The following VPS50 variants were observed in gnomAD, a reference collection of about 807,000 sequenced individuals.
The protein encoded by VPS50 is syndetin.
A neutral mutation model predicts 139.7 loss-of-function variants in VPS50; 70 were observed. The ratio of observed to expected loss-of-function variants is 0.50; its 90% confidence interval spans 0.41 to 0.61. VPS50 has a LOEUF of 0.61. Among genes scored for constraint, VPS50 ranks in the 20% least tolerant of loss-of-function variants. The pLI is 0.00. For missense variants in VPS50, 921 were observed against 1,133.7 expected (o/e 0.81, Z 2.69); for synonymous variants, 365 against 376.7 (o/e 0.97, Z 0.36).
At chr7:93,261,722 G>A (rs1795689587) in intron 9 of VPS50, among the ~76,000 whole-genome samples, 1 of 150,986 alleles carries the variant, frequency 6.6e-6, no homozygotes, top group Non-Finnish European at 1.5e-5. Context: ...TAGAGAGAAG[G>A]AAGTTGTGCA....
At chr7:93,254,122 T>G (rs1020933438) in intron 4 of VPS50, among the ~76,000 whole-genome samples, 191 bp downstream of exon 4, 3 of 152,244 alleles carry the variant, frequency 2.0e-5, no homozygotes, top group African/African-American at 7.2e-5. Context: ...TTATGTTACC[T>G]TGGTAGATTT....
intron 23 of VPS50, among the ~76,000 whole-genome samples, chr7:93,345,827 G>A (rs913414273): frequency 1.1e-4 from 17 of 152,056 alleles, no homozygotes; most frequent in African/African-American, 1.7e-4. Context: ...GGGATGTATC[G>A]CAAAATAATA....
intron 9 of VPS50, among the ~76,000 whole-genome samples, chr7:93,262,848 G>T (rs148854054): frequency 1.8e-3 from 267 of 152,140 alleles, no homozygotes; most frequent in Non-Finnish European, 2.4e-3. Flanking sequence ...TTCACCTGTT[G>T]TTTCACTCTT....
rs541923699 is a variant in VPS50 at position 93,256,947 on chromosome 7, C to T, written c.351+385C>T. On this transcript the variant is annotated intron_variant, in intron 5 of 27. Coordinates refer to ENST00000305866, the MANE Select transcript of VPS50 (RefSeq NM_017667.4). ...TGTCTAACTGAATCTGTGTTTTCAT[C>T]GGAAAATCAGAGCCTTCAAAATCCA... Among the ~76,000 whole-genome samples, 13 of 152,162 alleles carry T rather than the reference C, an allele frequency of 8.5e-5. No homozygotes were observed. The South Asian group carries it at 1.0e-3, about 12-fold the overall frequency.
At position 93,271,385 on chromosome 7, in the gene VPS50, T is replaced by G. The variant is rs190351489; in HGVS notation, c.702+123T>G. On this transcript the variant is annotated intron_variant, in intron 10 of 27. Transcript: ENST00000305866. ...CAATGTCTCTAGATCACTGTATTTC[T>G]TGATTTTCATTTGGAATATCTATTT... 28 of 1,310,182 alleles carry G rather than the reference T, an allele frequency of 2.1e-5. No homozygotes were observed. The East Asian group carries it at 8.1e-4, about 38-fold the overall frequency. The allele number at this position is 1,310,182 out of a possible 1,614,324, so 81.2% of individuals were successfully genotyped here.
At chr7:93,341,668 C>A in intron 23 of VPS50, 93 bp downstream of exon 23, 1 of 713,070 alleles carries the variant, frequency 1.4e-6, no homozygotes, top group Non-Finnish European at 2.3e-6. Context: ...TAGCTGCATA[C>A]ATCTACCACT....
rs752382926 is a variant in VPS50 at position 93,305,903 on chromosome 7, A to G, written c.1528A>G (p.Thr510Ala). The G allele has an allele frequency of 1.4e-5, 22 of 1,612,312 alleles. No individual in the cohort carries two copies. The highest frequency in any genetic ancestry group is 1.6e-4 in the Middle Eastern group (1 of 6,080). ...ACAGCCAGTCTCAACTTCTTCAAAA[A>G]CAGTGACCTTGTTTGAGCAGTACTG... ...SKQPVSTSSK[T>A]VTLFEQYCSG... The change falls in exon 18 of 28, where the codon ACA becomes GCA. Residue 510 changes from threonine to alanine, a missense_variant. Around this residue, in one of 3 missense-constraint regions of VPS50, gnomAD observed 744 missense variants for 930.6 expected, o/e 0.80. Transcript: ENST00000305866.
chr7:93,320,286 A>G (rs1797565899), intron 20 of VPS50: 1 of 143,806 alleles, frequency 7.0e-6, no homozygotes, highest in African/African-American at 2.6e-5. Context: ...TAGCTTTTCA[A>G]TTTTTTATTT....
rs115017665 is a variant in VPS50, at chr7:93,258,952, G to A, written c.576+560G>A. Among the ~76,000 whole-genome samples, 432 of 152,064 alleles carry A rather than the reference G, an allele frequency of 2.8e-3. 3 individuals are homozygous for A. Among genetic ancestry groups the A allele is most frequent in the African/African-American group, 0.01 (424 of 41,544 alleles). On this transcript the variant is annotated intron_variant, in intron 8 of 27. Transcript: ENST00000305866. ...TCTGTTGAATTTAGAATTGAGCATA[G>A]GGAAAAGTTTTTGTGGTTTTCTGTA...
chr7:93,342,669 T>TGACCCCTGATCCCC (rs1222997087), intron 23 of VPS50, among the ~76,000 whole-genome samples: 1 of 152,244 alleles, frequency 6.6e-6, no homozygotes, highest in Non-Finnish European at 1.5e-5. Flanking sequence ...CCCTGACCAC[T>TGACCCCTGATCCCC]GACCCCTGAT....
chr7:93,258,115 A>T (rs1479762139), intron 6 of VPS50, 44 bp from the exon 7 acceptor site: 1 of 785,050 alleles, frequency 1.3e-6, no homozygotes, highest in African/African-American at 1.8e-5. Flanking sequence ...TAGTATTCTT[A>T]TTATAATAAA....
intron 22 of VPS50, among the ~76,000 whole-genome samples, chr7:93,337,620 G>A (rs1351255602): frequency 6.6e-6 from 1 of 152,162 alleles, no homozygotes; most frequent in East Asian, 1.9e-4. Context: ...TTTTGAGTTT[G>A]AGATTGTACA....
chr7:93,317,708 A>G (rs1797469549), intron 20 of VPS50, among the ~76,000 whole-genome samples: 1 of 152,230 alleles, frequency 6.6e-6, no homozygotes, highest in East Asian at 1.9e-4. Context: ...TTTGAGAACC[A>G]TTGGTTCCTT....
intron 20 of VPS50, among the ~76,000 whole-genome samples, chr7:93,316,678 G>A (rs1584461925): frequency 6.6e-6 from 1 of 152,202 alleles, no homozygotes; most frequent in South Asian, 2.1e-4. Flanking sequence ...CCGAGCTGAT[G>A]GTAGGGTAGA....
chr7:93,233,474 C>T (rs890139760), intron 1 of VPS50, among the ~76,000 whole-genome samples: 1 of 152,092 alleles, frequency 6.6e-6, no homozygotes, highest in Non-Finnish European at 1.5e-5. Flanking sequence ...ATTCCACATT[C>T]TTATTTGAGA....
chr7:93,284,890 C>CA (rs1796438230), intron 12 of VPS50, among the ~76,000 whole-genome samples: 1 of 152,160 alleles, frequency 6.6e-6, no homozygotes. Flanking sequence ...TGGCTGGAAA[C>CA]TTCTTAAGAT....
chr7:93,252,118 G>A (rs1795353340), intron 2 of VPS50, among the ~76,000 whole-genome samples: 1 of 152,102 alleles, frequency 6.6e-6, no homozygotes, highest in Admixed American at 6.6e-5. Flanking sequence ...CACTTTGAAG[G>A]AAGCCTCATA....
chr7:93,317,042 A>G (rs955605706), intron 20 of VPS50, among the ~76,000 whole-genome samples: 2 of 152,224 alleles, frequency 1.3e-5, no homozygotes, highest in Non-Finnish European at 2.9e-5. Context: ...AAGGGCAAAC[A>G]GCAAGATCAG....
At position 93,259,621 on chromosome 7, in the gene VPS50, C is replaced by T; in HGVS notation, c.648C>T (p.Tyr216=). ...CQKAASTFKH[Y]SCISELNSKL... ...AAGCTGCCAGCACTTTTAAACATTA[C>T]AGTTGTATAAGGTAAGGTCATGTAA... The change falls in exon 9 of 28, where the codon TAC becomes TAT. Residue 216 remains tyrosine (Y), a synonymous_variant. Transcript: ENST00000305866. The T allele has an allele frequency of 6.4e-7, 1 of 1,565,024 alleles. No homozygotes were observed. Among genetic ancestry groups the T allele is most frequent in the Non-Finnish European group, 8.8e-7 (1 of 1,135,840 alleles).
Sources: allele counts gnomAD v4.1 joint callset (sites outside exome capture counted in the v4.1 genomes callset), GRCh38; gene constraint gnomAD v4.1.1; regional missense constraint gnomAD v4.1.1; transcripts MANE v1.5; gene names NCBI Gene and HGNC (gene_info 2026-07-23, HGNC 2026-07-21).